KIF4A: variants seen among roughly 807,000 people sequenced by gnomAD.
KIF4A encodes the protein chromosome-associated kinesin KIF4A.
Under a neutral mutation model 105.9 loss-of-function variants are expected in KIF4A, and 7 were observed. The observed-to-expected ratio is 0.07, with a 90% CI of 0.04 to 0.12. KIF4A has a LOEUF of 0.12. KIF4A is among the 10% of genes least tolerant of loss of function. The probability of loss-of-function intolerance (pLI) is 1.00; values close to 1 mark genes in which losing one functional copy is unlikely to be tolerated. For synonymous variants in KIF4A, 281 were observed against 331.3 expected (o/e 0.85, Z 1.65); for missense variants, 558 against 929.2 (o/e 0.60, Z 5.19).
chrX:70,409,357 G>C (rs990774812), intron 28 of KIF4A, among the ~76,000 whole-genome samples: 2 of 112,062 alleles, frequency 1.8e-5, no homozygotes, highest in African/African-American at 6.5e-5. Flanking sequence ...GGGACACTTA[G>C]AGAAAATGGG....
intron 9 of KIF4A, 128 bp from the exon 10 acceptor site, chrX:70,333,500 G>A (rs1222874895): frequency 1.4e-5 from 7 of 484,527 alleles, no homozygotes; most frequent in African/African-American, 7.1e-5. Context: ...TCTAAGGTAT[G>A]CTATCTGCCT....
chrX:70,409,822 A>T (rs895048088), intron 28 of KIF4A, among the ~76,000 whole-genome samples: 3 of 109,876 alleles, frequency 2.7e-5, no homozygotes, highest in Non-Finnish European at 5.7e-5. Flanking sequence ...GAAAAGAAAA[A>T]AAATGGTAGA....
intron 7 of KIF4A, among the ~76,000 whole-genome samples, chrX:70,307,893 G>A (rs1351093013): frequency 9.0e-6 from 1 of 111,650 alleles, no homozygotes; most frequent in Admixed American, 9.5e-5. Flanking sequence ...CTTGATGACT[G>A]GTCTCAGTTA....
intron 9 of KIF4A, among the ~76,000 whole-genome samples, chrX:70,332,325 G>T (rs1317521351): frequency 1.8e-5 from 2 of 111,485 alleles, no homozygotes; most frequent in Non-Finnish European, 3.8e-5. Context: ...AGAATAGAAG[G>T]AAAAGCAGGA....
chrX:70,375,376 C>T (rs1380366497), intron 17 of KIF4A, 28 bp downstream of exon 17: 2 of 1,191,662 alleles, frequency 1.7e-6, no homozygotes, highest in East Asian at 3.0e-5. Context: ...TTGCATTTAC[C>T]CCCATTGGAA....
chrX:70,308,293 T>C (rs1038151704), intron 7 of KIF4A, among the ~76,000 whole-genome samples: 15 of 112,746 alleles, frequency 1.3e-4, no homozygotes, highest in Non-Finnish European at 2.4e-4. Context: ...TATAGTAATA[T>C]AGTTTTTATA....
At chrX:70,397,301 C>T (rs1353318494) in intron 22 of KIF4A, among the ~76,000 whole-genome samples, 2 of 111,180 alleles carry the variant, frequency 1.8e-5, no homozygotes, top group African/African-American at 3.3e-5. Context: ...ACCCAGGAGG[C>T]GGAGGTTGCA....
chrX:70,394,651 T>C (rs757060495), intron 20 of KIF4A, among the ~76,000 whole-genome samples: 16 of 112,482 alleles, frequency 1.4e-4, no homozygotes, highest in Middle Eastern at 4.6e-3. Flanking sequence ...TTTTCCCTGC[T>C]TTTTCCTTTT....
At chrX:70,415,782 T>C (rs1376715213) in intron 28 of KIF4A, among the ~76,000 whole-genome samples, 1 of 107,306 alleles carries the variant, frequency 9.3e-6, no homozygotes, top group Non-Finnish European at 1.9e-5. Context: ...GGGGCATGAG[T>C]GAGGTTTTTT....
At chrX:70,351,752 T>A (rs896076513) in intron 13 of KIF4A, among the ~76,000 whole-genome samples, 3 of 111,646 alleles carry the variant, frequency 2.7e-5, no homozygotes, top group Non-Finnish European at 5.7e-5. Context: ...TTTGTTTTTG[T>A]TTTTTGATTT....
intron 4 of KIF4A, 64 bp downstream of exon 4, chrX:70,297,252 A>T (rs188033552): frequency 4.0e-6 from 4 of 1,010,153 alleles, no homozygotes; most frequent in South Asian, 4.6e-5. Flanking sequence ...AATAAATCCA[A>T]ATCAGGTTTT....
At chrX:70,361,690 A>G (rs189854235) in intron 15 of KIF4A, 290 of 142,528 alleles carry the variant, frequency 2.0e-3, no homozygotes, top group African/African-American at 8.5e-3. Context: ...GACAGCAGGT[A>G]AAGAACCTGC....
At chrX:70,408,660 T>C (rs1317549981) in intron 28 of KIF4A, among the ~76,000 whole-genome samples, 2 of 112,016 alleles carry the variant, frequency 1.8e-5, no homozygotes, top group Non-Finnish European at 3.8e-5. Context: ...TCATAAGATA[T>C]AGACAGCCAT....
At chrX:70,381,084 G>A (rs2086195754) in intron 18 of KIF4A, among the ~76,000 whole-genome samples, 1 of 111,849 alleles carries the variant, frequency 8.9e-6, no homozygotes, top group Non-Finnish European at 1.9e-5. Flanking sequence ...AGGAGGCAGA[G>A]GTTTCAGTGA....
At chrX:70,368,155 A>G (rs759386389) in intron 15 of KIF4A, among the ~76,000 whole-genome samples, 24 of 111,628 alleles carry the variant, frequency 2.1e-4, no homozygotes, top group African/African-American at 7.5e-4. Flanking sequence ...CATTTGTCTA[A>G]TCTTTTTTCA....
intron 15 of KIF4A, among the ~76,000 whole-genome samples, chrX:70,373,815 T>TAC (rs1406625860): frequency 3.3e-5 from 2 of 60,739 alleles, no homozygotes; most frequent in Non-Finnish European, 6.5e-5. Context: ...TATATATATA[T>TAC]ACACACACAT....
chrX:70,373,546 ATATATATATACG>A (rs2086153213), intron 15 of KIF4A, among the ~76,000 whole-genome samples: 1 of 41,844 alleles, frequency 2.4e-5, no homozygotes, highest in Non-Finnish European at 3.9e-5. Flanking sequence ...ATATATATAT[ATATATATATACG>A]TATATATATA....
chrX:70,387,259 C>G lies in KIF4A; in HGVS notation c.2194C>G (p.Gln732Glu). ...REVADKRKET[Q>E]SRGMEGTAAR... ...GGTTGCAGATAAGCGGAAAGAGACTCAGAGCCGTGGAATGGAAGGCACTGC... is the reference window on the plus strand; with the variant it reads ...GGTTGCAGATAAGCGGAAAGAGACTGAGAGCCGTGGAATGGAAGGCACTGC... Residue 732 changes from glutamine (Q) to glutamate (E), a missense_variant, in exon 20 of 31, where the codon CAG becomes GAG. Gln to Glu is a conservative substitution (Grantham distance 29). Coordinates refer to ENST00000374403, the MANE Select transcript of KIF4A (RefSeq NM_012310.5). 2 of 1,187,135 alleles carry G rather than the reference C, an allele frequency of 1.7e-6. No individual in the cohort carries two copies. Among genetic ancestry groups the G allele is most frequent in the Non-Finnish European group, 1.1e-6 (1 of 882,973 alleles).
At chrX:70,370,113 A>G (rs1009601215) in intron 15 of KIF4A, among the ~76,000 whole-genome samples, 4 of 111,633 alleles carry the variant, frequency 3.6e-5, no homozygotes, top group Non-Finnish European at 7.5e-5. Flanking sequence ...GCCTGGGTGT[A>G]TAGTAGGCTA....
Sources: gnomAD v4.1 joint callset for allele counts (sites outside exome capture counted in the v4.1 genomes callset) on GRCh38, gnomAD v4.1.1 for gene constraint, MANE v1.5 for transcripts, NCBI Gene and HGNC (gene_info 2026-07-23, HGNC 2026-07-21) for gene names.